Variants in SRGAP2B observed in about 807,000 individuals in gnomAD.
The protein encoded by SRGAP2B is SLIT-ROBO Rho GTPase-activating protein 2B.
In SRGAP2B, 9 loss-of-function variants were observed where a neutral mutation model predicts 22.2. The observed-to-expected ratio is 0.41, with a 90% CI of 0.24 to 0.71. The LOEUF (loss-of-function observed/expected upper bound fraction) is 0.71, where lower values mean the gene tolerates loss of function less well. Among genes scored for constraint, SRGAP2B ranks in the 30% least tolerant of loss-of-function variants. The probability of loss-of-function intolerance (pLI) is 0.35; values close to 1 mark genes in which losing one functional copy is unlikely to be tolerated. For synonymous variants in SRGAP2B, 36 were observed against 87.4 expected, an observed-to-expected ratio of 0.41 and a Z score of 3.28; for missense variants, 114 against 235.8, an observed-to-expected ratio of 0.48 and a Z score of 3.38.
chr1:145,031,824 G>A (rs1648372217), intron 2 of SRGAP2B, among the ~76,000 whole-genome samples: 2 of 139,236 alleles, frequency 1.4e-5, no homozygotes, highest in South Asian at 4.6e-4. Context: ...TCCAGCCTGG[G>A]CGACAGAGCA....
chr1:144,984,048 C>G (rs1669510151), intron 3 of SRGAP2B, among the ~76,000 whole-genome samples: 1 of 150,926 alleles, frequency 6.6e-6, no homozygotes, highest in Non-Finnish European at 1.5e-5. Flanking sequence ...CAGCTGGGCA[C>G]AGAGGCTTAT....
rs1191071511 is a variant in SRGAP2B, at chr1:144,993,326, T to G, written c.260+1682A>C. ...GCTATGTTGTGGGATCTTGTTATAG[T>G]AGGACTGGAGTAGGACCTGAGATAC... On this transcript the variant is annotated intron_variant, in intron 3 of 9. Coordinates refer to ENST00000612199, the Ensembl canonical transcript of SRGAP2B. Among the ~76,000 whole-genome samples, 2 of 150,984 alleles carry G rather than the reference T, an allele frequency of 1.3e-5. 1 individual carries two copies. The highest frequency in any genetic ancestry group is 2.9e-5 in the Non-Finnish European group (2 of 67,972).
intron 4 of SRGAP2B, among the ~76,000 whole-genome samples, chr1:144,932,263 G>T (rs1187325233): frequency 6.7e-6 from 1 of 149,938 alleles, no homozygotes; most frequent in African/African-American, 2.5e-5. Context: ...GGCATGTGTG[G>T]AGCTGCAGGT....
intron 2 of SRGAP2B, among the ~76,000 whole-genome samples, chr1:145,013,083 CA>C (rs1304454358): frequency 1.3e-5 from 2 of 149,648 alleles, no homozygotes; most frequent in African/African-American, 2.5e-5. Flanking sequence ...ACTCTGTCTC[CA>C]AAAAAAAGTG....
intron 2 of SRGAP2B, among the ~76,000 whole-genome samples, chr1:145,068,151 C>T (rs1449607955): frequency 2.0e-5 from 1 of 49,828 alleles, no homozygotes; most frequent in Non-Finnish European, 3.5e-5. Context: ...TGCAGTGAGC[C>T]GAGATCGCAC....
intron 4 of SRGAP2B, among the ~76,000 whole-genome samples, chr1:144,928,367 A>G (rs61804389): frequency 0.073 from 9,618 of 132,128 alleles, 27 homozygotes; most frequent in Non-Finnish European, 0.081. Context: ...TGTTCCATAA[A>G]TCACTTCATT....
chr1:145,007,538 G>A (rs1553621323), intron 2 of SRGAP2B, among the ~76,000 whole-genome samples: 1 of 150,748 alleles, frequency 6.6e-6, no homozygotes, highest in African/African-American at 2.5e-5. Flanking sequence ...CCATCATCTA[G>A]AGATGCTATC....
chr1:144,915,612 G>C (rs1384959841), intron 4 of SRGAP2B, among the ~76,000 whole-genome samples: 1 of 151,066 alleles, frequency 6.6e-6, no homozygotes, highest in Admixed American at 6.6e-5. Flanking sequence ...TGTAGTCCCA[G>C]CTACTCAGGA....
At chr1:144,941,083 TTTA>T (rs1393985727) in intron 4 of SRGAP2B, among the ~76,000 whole-genome samples, 1 of 147,820 alleles carries the variant, frequency 6.8e-6, no homozygotes, top group Non-Finnish European at 1.5e-5. Flanking sequence ...TTATTTTCTT[TTTA>T]TTATGTTTTT....
At chr1:144,952,577 G>A (rs1445289269) in intron 4 of SRGAP2B, among the ~76,000 whole-genome samples, 3 of 149,520 alleles carry the variant, frequency 2.0e-5, no homozygotes, top group African/African-American at 2.5e-5. Context: ...ACAGCTCACT[G>A]CATCCTCAAA....
At position 144,956,064 on chromosome 1, in the gene SRGAP2B, G is replaced by T. The variant is rs587673046; in HGVS notation, c.261-463C>A. On this transcript the variant is annotated intron_variant, in intron 3 of 9. Transcript: ENST00000612199. ...GGGACTAGAACAACAGTTCTGCATT[G>T]TCTGGCTAGACCAGGTCTAAGGTGA... 6.7e-4 allele frequency among the ~76,000 whole-genome samples: 100 copies of T among 149,660 alleles called. 8 individuals carry two copies. The highest frequency in any genetic ancestry group is 2.4e-3 in the African/African-American group (97 of 39,592).
Position 144,973,432 on chromosome 1 carries a change from AGGAGGGAG to A in SRGAP2B, c.261-17839_261-17832del, listed in dbSNP as rs879975363. 1.9e-4 allele frequency among the ~76,000 whole-genome samples: 22 copies of A among 114,624 alleles called. 1 individual carries two copies. In the East Asian group the frequency reaches 5.8e-3, roughly 30 times the overall value. The allele number at this position is 114,624 out of a possible 152,430, so 75.2% of individuals were successfully genotyped here. Reference sequence around the variant, plus strand: ...TGAGGATTCTCTTCTAAAGAAGAGAAGGAGGGAGGGAGGGAGGGAGGGAAGCGGGGAAA... The same window carrying A: ...TGAGGATTCTCTTCTAAAGAAGAGAAGGAGGGAGGGAGGGAAGCGGGGAAA... On this transcript the variant is annotated intron_variant, in intron 3 of 9. Transcript: ENST00000612199.
At chr1:145,000,639 C>T in intron 2 of SRGAP2B, among the ~76,000 whole-genome samples, 2 of 149,710 alleles carry the variant, frequency 1.3e-5, no homozygotes, top group Middle Eastern at 6.9e-3. Flanking sequence ...CAGCCTATTG[C>T]TTTCAATCCA....
intron 3 of SRGAP2B, among the ~76,000 whole-genome samples, chr1:144,969,994 A>G (rs587663966): frequency 2.0e-5 from 3 of 150,552 alleles, no homozygotes; most frequent in South Asian, 4.2e-4. Context: ...AAGTCAGGAA[A>G]CAACAGGTGC....
At chr1:144,992,478 A>C (rs1391680482) in intron 3 of SRGAP2B, among the ~76,000 whole-genome samples, 1 of 148,644 alleles carries the variant, frequency 6.7e-6, no homozygotes, top group African/African-American at 2.6e-5. Context: ...ACTTTGAATC[A>C]TTTTCTAAAG....
At chr1:144,958,324 A>C (rs587650434) in intron 3 of SRGAP2B, among the ~76,000 whole-genome samples, 1 of 151,204 alleles carries the variant, frequency 6.6e-6, no homozygotes, top group Admixed American at 6.6e-5. Context: ...GGAAGTAGAA[A>C]TCTTTTAAAA....
At chr1:144,931,544 G>T (rs587655099) in intron 4 of SRGAP2B, among the ~76,000 whole-genome samples, 1 of 150,884 alleles carries the variant, frequency 6.6e-6, no homozygotes, top group South Asian at 2.1e-4. Flanking sequence ...GATTCCATCT[G>T]TTAAAAAGAG....
intron 3 of SRGAP2B, among the ~76,000 whole-genome samples, chr1:144,984,095 C>T (rs587604038): frequency 4.8e-4 from 72 of 150,528 alleles, no homozygotes; most frequent in Non-Finnish European, 9.0e-4. Context: ...CCAAGGTGTG[C>T]GGATCACCTG....
At chr1:144,951,675 G>A (rs1307356927) in intron 4 of SRGAP2B, among the ~76,000 whole-genome samples, 2 of 148,326 alleles carry the variant, frequency 1.3e-5, no homozygotes, top group Non-Finnish European at 3.0e-5. Context: ...GAATCATTAA[G>A]TTTTATAGAT....
Sources: allele counts gnomAD v4.1 joint callset (sites outside exome capture counted in the v4.1 genomes callset), GRCh38; gene constraint gnomAD v4.1.1; transcripts MANE v1.5; gene names NCBI Gene and HGNC (gene_info 2026-07-23, HGNC 2026-07-21).